Variants in MICALL1 observed in about 807,000 individuals in gnomAD.
MICALL1 encodes MICAL-like protein 1.
Under a neutral mutation model 83.7 loss-of-function variants are expected in MICALL1, and 61 were observed. The observed-to-expected ratio is 0.73, with a 90% CI of 0.59 to 0.90. The LOEUF (loss-of-function observed/expected upper bound fraction) is 0.90, where lower values mean the gene tolerates loss of function less well. Among genes scored for constraint, MICALL1 ranks in the 40% least tolerant of loss-of-function variants. MICALL1 has a pLI of 0.00. For missense variants in MICALL1, 1,066 were observed against 1,152.0 expected, an observed-to-expected ratio of 0.93 and a Z score of 1.08; for synonymous variants, 481 against 473.6, an observed-to-expected ratio of 1.02 and a Z score of -0.20.
At chr22:37,917,999 C>T (rs1377137408) in intron 4 of MICALL1, among the ~76,000 whole-genome samples, 2 of 152,286 alleles carry the variant, frequency 1.3e-5, no homozygotes, top group South Asian at 2.1e-4. Flanking sequence ...AGGCCAGTCC[C>T]GTTCTATGGG....
Position 37,922,367 on chromosome 22 carries a change from G to T in MICALL1, c.965G>T (p.Arg322Leu), listed in dbSNP as rs1017144911. ...CCAGCACCCCCCACGCCCCGGCCCCGCTCCAGTCTGCAGCAGGAGAACCTG... is the reference window on the plus strand; with the variant it reads ...CCAGCACCCCCCACGCCCCGGCCCCTCTCCAGTCTGCAGCAGGAGAACCTG... The part of the protein sequence containing the change: ...TTPAPPTPRP[R>L]SSLQQENLVE... The change falls in exon 6 of 16, where the codon CGC becomes CTC. Residue 322 changes from arginine (R) to leucine (L), a missense_variant. Coordinates refer to ENST00000215957, the MANE Select transcript of MICALL1 (RefSeq NM_033386.4). The T allele has an allele frequency of 2.6e-6, 4 of 1,526,946 alleles. No homozygotes were observed. Among genetic ancestry groups the T allele is most frequent in the African/African-American group, 1.4e-5 (1 of 72,202 alleles). The allele number at this position is 1,526,946 out of a possible 1,614,324, so 94.6% of individuals were successfully genotyped here.
At chr22:37,918,109 A>G (rs1302777214) in intron 4 of MICALL1, among the ~76,000 whole-genome samples, 1 of 152,194 alleles carries the variant, frequency 6.6e-6, no homozygotes, top group Non-Finnish European at 1.5e-5. Flanking sequence ...CTTCACCATC[A>G]TGGGACTGTC....
chr22:37,936,744 T>G (rs1004358244), intron 13 of MICALL1, among the ~76,000 whole-genome samples: 37 of 152,166 alleles, frequency 2.4e-4, no homozygotes, highest in African/African-American at 8.7e-4. Context: ...TATAAAAAAT[T>G]AGCTGAGCGT....
rs1158805308 is a variant in MICALL1 at position 37,937,310 on chromosome 22, A to G, written c.2423+116A>G. 4.8e-6 allele frequency: 4 copies of G among 829,176 alleles called. No individual in the cohort carries two copies. The East Asian group carries it at 1.1e-4, about 23-fold the overall frequency. The allele number at this position is 829,176 out of a possible 1,614,324, so 51.4% of individuals were successfully genotyped here. On this transcript the variant is annotated intron_variant, in intron 14 of 15. Coordinates refer to ENST00000215957, the MANE Select transcript of MICALL1 (RefSeq NM_033386.4). The stretch of plus-strand genomic sequence containing the variant: ...AAAGACACAGTCCACGCCTCAGGCC[A>G]GGCCAGCCCTGCCCTCCTACCAGCG...
chr22:37,919,410 C>T lies in MICALL1; in HGVS notation c.569+232C>T, dbSNP rs75361888. 1.2e-4 allele frequency among the ~76,000 whole-genome samples: 18 copies of T among 152,300 alleles called. No homozygotes were observed. The East Asian group carries it at 2.5e-3, about 21-fold the overall frequency. ...ACAGGGGTTTTCCTTCCAGCGCCTA[C>T]GCTTTTTGAGGATAACTACTGGATG... On this transcript the variant is annotated intron_variant, in intron 5 of 15. Coordinates refer to ENST00000215957, the MANE Select transcript of MICALL1 (RefSeq NM_033386.4).
At chr22:37,914,560 A>G (rs1476429300) in intron 3 of MICALL1, among the ~76,000 whole-genome samples, 5 of 151,256 alleles carry the variant, frequency 3.3e-5, no homozygotes, top group Non-Finnish European at 7.4e-5. Context: ...ATATGTATAT[A>G]TATACATGCA....
chr22:37,909,484 G>A (rs1012525809), intron 1 of MICALL1, among the ~76,000 whole-genome samples: 6 of 150,216 alleles, frequency 4.0e-5, no homozygotes, highest in Non-Finnish European at 7.4e-5. Context: ...TTAGCCTCCC[G>A]AGTAGCTGGG....
At chr22:37,912,569 T>C (rs989715091) in intron 3 of MICALL1, 77 bp downstream of exon 3, 21 of 1,408,790 alleles carry the variant, frequency 1.5e-5, no homozygotes, top group Non-Finnish European at 1.9e-5. Flanking sequence ...TGCTACTGGT[T>C]TTCTGAGTTG....
At chr22:37,925,597 A>G (rs893729241) in intron 7 of MICALL1, 64 bp from the exon 8 acceptor site, 48 of 1,253,376 alleles carry the variant, frequency 3.8e-5, no homozygotes, top group Non-Finnish European at 5.3e-5. Context: ...AAAACTGTCT[A>G]GAGAGAGAAG....
At chr22:37,934,312 C>T (rs761193197) in intron 13 of MICALL1, among the ~76,000 whole-genome samples, 1 of 152,182 alleles carries the variant, frequency 6.6e-6, no homozygotes, top group Non-Finnish European at 1.5e-5. Context: ...AATACCAGCT[C>T]CACCTTCACT....
chr22:37,918,001 T>C (rs1928785213), intron 4 of MICALL1, among the ~76,000 whole-genome samples: 1 of 152,154 alleles, frequency 6.6e-6, no homozygotes, highest in Non-Finnish European at 1.5e-5. Flanking sequence ...GCCAGTCCCG[T>C]TCTATGGGCA....
At chr22:37,908,326 G>A (rs1928101192) in intron 1 of MICALL1, among the ~76,000 whole-genome samples, 1 of 150,880 alleles carries the variant, frequency 6.6e-6, no homozygotes, top group Non-Finnish European at 1.5e-5. Flanking sequence ...TTTGAGATGG[G>A]GTCTCACTCT....
rs1002498608 is a variant in MICALL1, at chr22:37,941,341, C to G, written c.*511C>G. On this transcript the variant is annotated 3_prime_UTR_variant, in exon 16 of 16. Transcript: ENST00000215957. ...GATCTCAGTTTCCCTCACTCAGGAA[C>G]TCTGTTTCTGAAGTCTTCAGTTAAG... The G allele has an allele frequency of 6.4e-6, 1 of 156,250 alleles. No homozygotes were observed. The highest frequency in any genetic ancestry group is 2.4e-5 in the African/African-American group (1 of 41,524). The allele number at this position is 156,250 out of a possible 1,614,324, so 9.7% of individuals were successfully genotyped here. A position where few individuals can be genotyped will look rare whatever the true frequency, so the allele number is the denominator to read the frequency against.
intron 15 of MICALL1, 32 bp from the exon 16 acceptor site, chr22:37,940,677 C>G: frequency 6.2e-7 from 1 of 1,611,710 alleles, no homozygotes; most frequent in Non-Finnish European, 8.5e-7. Context: ...CTCTTCTCCA[C>G]TTTATTAAGT....
chr22:37,908,911 G>A (rs952860279), intron 1 of MICALL1, among the ~76,000 whole-genome samples: 1 of 152,212 alleles, frequency 6.6e-6, no homozygotes, highest in African/African-American at 2.4e-5. Flanking sequence ...GGCGGGAGGT[G>A]TGTGCAAAGC....
At chr22:37,912,039 G>A in intron 2 of MICALL1, 39 bp downstream of exon 2, 2 of 1,569,918 alleles carry the variant, frequency 1.3e-6, no homozygotes, top group Non-Finnish European at 1.7e-6. Context: ...GAGGCTCTGT[G>A]TATGTGTGTG....
intron 1 of MICALL1, among the ~76,000 whole-genome samples, chr22:37,911,053 T>C (rs9610868): frequency 0.37 from 56,671 of 151,996 alleles, 10,862 homozygotes; most frequent in Middle Eastern, 0.41. Context: ...GACTGAGCTG[T>C]CTCTGCTGGT....
At chr22:37,916,482 C>G (rs1014042025) in intron 3 of MICALL1, among the ~76,000 whole-genome samples, 1 of 152,152 alleles carries the variant, frequency 6.6e-6, no homozygotes, top group Non-Finnish European at 1.5e-5. Context: ...TGTTCGACTC[C>G]CCCAGATGGT....
chr22:37,941,800 T>TG lies in MICALL1; in HGVS notation c.*973dup, dbSNP rs1930452200. 1 of 152,416 alleles carries TG rather than the reference T, an allele frequency of 6.6e-6. No homozygotes were observed. The highest frequency in any genetic ancestry group is 2.4e-5 in the African/African-American group (1 of 41,446). 9.4% of individuals were successfully genotyped at this position (152,416 alleles called of 1,614,324 possible). A position where few individuals can be genotyped will look rare whatever the true frequency, so the allele number is the denominator to read the frequency against. ...AAGGCCTGATGGCTACTCACCCCTC[T>TG]GGGATGGCTATGGGAGAGGAGGAGT... On this transcript the variant is annotated 3_prime_UTR_variant, in exon 16 of 16. Transcript: ENST00000215957.
Sources: allele counts gnomAD v4.1 joint callset (sites outside exome capture counted in the v4.1 genomes callset), GRCh38; gene constraint gnomAD v4.1.1; transcripts MANE v1.5; gene names NCBI Gene and HGNC (gene_info 2026-07-23, HGNC 2026-07-21).